PHACTR3: variants seen among roughly 807,000 people sequenced by gnomAD.
PHACTR3 encodes the protein phosphatase and actin regulator 3, also known as protein phosphatase 1, regulatory subunit 123.
A neutral mutation model predicts 66.8 loss-of-function variants in PHACTR3; 16 were observed. The ratio of observed to expected loss-of-function variants is 0.24; its 90% confidence interval spans 0.16 to 0.36. The LOEUF (loss-of-function observed/expected upper bound fraction) is 0.36. Among genes scored for constraint, PHACTR3 ranks in the 10% least tolerant of loss-of-function variants. The pLI, the probability that PHACTR3 is intolerant of heterozygous loss-of-function variation, is 1.00. For synonymous variants in PHACTR3, 323 were observed against 292.1 expected (o/e 1.11, Z -1.08); for missense variants, 647 against 719.9 (o/e 0.90, Z 1.16).
At chr20:59,645,489 A>G (rs1268369202) in intron 1 of PHACTR3, among the ~76,000 whole-genome samples, 1 of 151,926 alleles carries the variant, frequency 6.6e-6, no homozygotes, top group East Asian at 1.9e-4. Flanking sequence ...TGTCCGCCCC[A>G]CACTGCCCTC....
intron 9 of PHACTR3, among the ~76,000 whole-genome samples, chr20:59,838,898 G>A (rs1398799343): frequency 2.0e-5 from 3 of 152,102 alleles, no homozygotes; most frequent in Non-Finnish European, 4.4e-5. Flanking sequence ...TGTGGGCTTA[G>A]GCTAACAGGG....
intron 1 of PHACTR3, among the ~76,000 whole-genome samples, chr20:59,703,350 G>T (rs2037577582): frequency 6.6e-6 from 1 of 152,148 alleles, no homozygotes; most frequent in Non-Finnish European, 1.5e-5. Flanking sequence ...TTCAAAAATA[G>T]TAGTCGTATC....
At chr20:59,782,812 A>G (rs1459330101) in intron 7 of PHACTR3, among the ~76,000 whole-genome samples, 2 of 152,192 alleles carry the variant, frequency 1.3e-5, no homozygotes, top group African/African-American at 4.8e-5. Flanking sequence ...GTGGGGACAC[A>G]GCCAAACCAT....
At chr20:59,642,692 G>A (rs1394249528) in intron 1 of PHACTR3, among the ~76,000 whole-genome samples, 2 of 152,228 alleles carry the variant, frequency 1.3e-5, no homozygotes, top group East Asian at 1.9e-4. Flanking sequence ...AATTGGGATG[G>A]ACTTAAGGCT....
At chr20:59,590,846 A>G (rs1362172176) in intron 1 of PHACTR3, among the ~76,000 whole-genome samples, 1 of 152,114 alleles carries the variant, frequency 6.6e-6, no homozygotes, top group Non-Finnish European at 1.5e-5. Context: ...AGGTGTGCAC[A>G]GGGGCTCCCT....
intron 1 of PHACTR3, among the ~76,000 whole-genome samples, chr20:59,642,410 C>CCCCCCA (rs2035136590): frequency 6.7e-6 from 1 of 150,144 alleles, no homozygotes; most frequent in African/African-American, 2.5e-5. Context: ...ATTCACAAAT[C>CCCCCCA]CCCCCACCCC....
intron 1 of PHACTR3, among the ~76,000 whole-genome samples, chr20:59,727,486 C>T (rs1204543574): frequency 6.6e-6 from 1 of 152,224 alleles, no homozygotes; most frequent in African/African-American, 2.4e-5. Flanking sequence ...TCAGAGGCGC[C>T]GTTCTTGACC....
intron 1 of PHACTR3, among the ~76,000 whole-genome samples, chr20:59,732,128 C>T (rs925239086): frequency 7.9e-5 from 12 of 152,170 alleles, no homozygotes; most frequent in African/African-American, 2.4e-4. Flanking sequence ...CACTGGGGCT[C>T]TCATGAAGAG....
At chr20:59,813,156 G>A (rs898440586) in intron 8 of PHACTR3, among the ~76,000 whole-genome samples, 8 of 152,234 alleles carry the variant, frequency 5.3e-5, no homozygotes, top group African/African-American at 1.7e-4. Context: ...GAAGTTCTGT[G>A]CTCGGTATGG....
At chr20:59,803,695 G>T (rs1046470622) in intron 7 of PHACTR3, among the ~76,000 whole-genome samples, 2 of 152,102 alleles carry the variant, frequency 1.3e-5, no homozygotes, top group African/African-American at 4.8e-5. Context: ...CAGATGCATC[G>T]TAATTTAACA....
intron 10 of PHACTR3, among the ~76,000 whole-genome samples, chr20:59,840,969 T>C (rs78369656): frequency 0.014 from 2,113 of 152,342 alleles, 60 homozygotes; most frequent in African/African-American, 0.048. Flanking sequence ...TCAAGTGTTC[T>C]GGATTCCCCT....
chr20:59,674,376 T>C (rs1344174084), intron 1 of PHACTR3, among the ~76,000 whole-genome samples: 1 of 142,532 alleles, frequency 7.0e-6, no homozygotes, highest in African/African-American at 2.8e-5. Flanking sequence ...CTTCTCCTGT[T>C]CCTTCCCCTT....
At position 59,773,386 on chromosome 20, in the gene PHACTR3, C is replaced by T. The variant is rs1309327412; in HGVS notation, c.859C>T (p.Pro287Ser). Residue 287 changes from proline to serine, a missense_variant, in exon 6 of 13, where the codon CCT becomes TCT. By Grantham distance (74) the Pro-to-Ser change is moderately conservative (BLOSUM62 -1). This residue lies in a region of PHACTR3 where 577 missense variants were observed against 571.1 expected (regional missense o/e 1.01). Coordinates refer to ENST00000371015, the MANE Select transcript of PHACTR3 (RefSeq NM_080672.5). ...TCCGCATCTCACCACGGTCCACCGGCCTCTTCCCCCAAGCCGCGTCATTGA... is the reference window on the plus strand; with the variant it reads ...TCCGCATCTCACCACGGTCCACCGGTCTCTTCCCCCAAGCCGCGTCATTGA... ...GSPHLTTVHRPLPPSRVIEEL... is the reference protein window; with the variant it reads ...GSPHLTTVHRSLPPSRVIEEL... The T allele has an allele frequency of 3.1e-6, 5 of 1,614,190 alleles. No individual in the cohort carries two copies. The highest frequency in any genetic ancestry group is 4.2e-6 in the Non-Finnish European group (5 of 1,180,050).
intron 1 of PHACTR3, among the ~76,000 whole-genome samples, chr20:59,686,038 A>G (rs533860735): frequency 6.6e-6 from 1 of 152,360 alleles, no homozygotes; most frequent in South Asian, 2.1e-4. Flanking sequence ...TTCATGTGGC[A>G]TGGGGGTGGG....
At chr20:59,661,963 T>C (rs1301365609) in intron 1 of PHACTR3, among the ~76,000 whole-genome samples, 1 of 152,128 alleles carries the variant, frequency 6.6e-6, no homozygotes, top group East Asian at 1.9e-4. Flanking sequence ...TCAGTTTCTC[T>C]TGGCCCCTGT....
chr20:59,593,994 C>A (rs2033257232), intron 1 of PHACTR3, among the ~76,000 whole-genome samples: 1 of 152,180 alleles, frequency 6.6e-6, no homozygotes, highest in African/African-American at 2.4e-5. Flanking sequence ...GGCCTTTTGC[C>A]TCTCCATATA....
chr20:59,657,109 C>T (rs556615969), intron 1 of PHACTR3, among the ~76,000 whole-genome samples: 14 of 151,986 alleles, frequency 9.2e-5, no homozygotes, highest in Admixed American at 2.0e-4. Flanking sequence ...TTACCATTTC[C>T]GGTTCTCTTC....
At chr20:59,751,913 C>T (rs1032264784) in intron 3 of PHACTR3, among the ~76,000 whole-genome samples, 3 of 152,132 alleles carry the variant, frequency 2.0e-5, no homozygotes, top group African/African-American at 7.2e-5. Context: ...AGCCCCCTTG[C>T]CCTGGTCCCC....
chr20:59,649,558 G>A (rs904071543), intron 1 of PHACTR3, among the ~76,000 whole-genome samples: 8 of 152,146 alleles, frequency 5.3e-5, no homozygotes, highest in African/African-American at 1.9e-4. Context: ...ATTTGGTTTT[G>A]AAGAAGAGCT....
Sources: gnomAD v4.1 joint callset for allele counts (sites outside exome capture counted in the v4.1 genomes callset) on GRCh38, gnomAD v4.1.1 for gene constraint, gnomAD v4.1.1 regional missense constraint, MANE v1.5 for transcripts, NCBI Gene and HGNC (gene_info 2026-07-23, HGNC 2026-07-21) for gene names.